The following DZIP3 variants were observed in gnomAD, a reference collection of about 807,000 sequenced individuals.
DZIP3 encodes the protein E3 ubiquitin-protein ligase DZIP3.
Under a neutral mutation model 162.0 loss-of-function variants are expected in DZIP3, and 118 were observed. The ratio of observed to expected loss-of-function variants is 0.73; its 90% CI spans 0.63 to 0.85. The LOEUF (loss-of-function observed/expected upper bound fraction) is 0.85. Among genes scored for constraint, DZIP3 ranks in the 40% least tolerant of loss-of-function variants. The pLI is 0.00. For missense variants in DZIP3, 1,331 were observed against 1,407.0 expected (o/e 0.95, Z 0.86); for synonymous variants, 438 against 458.6 (o/e 0.96, Z 0.57).
At chr3:108,598,178 T>G (rs1405041946) in intron 1 of DZIP3, among the ~76,000 whole-genome samples, 1 of 152,190 alleles carries the variant, frequency 6.6e-6, no homozygotes, top group Non-Finnish European at 1.5e-5. Flanking sequence ...AATTATACAC[T>G]AAGCTTATAT....
intron 21 of DZIP3, among the ~76,000 whole-genome samples, chr3:108,664,005 C>T (rs1038103652): frequency 5.3e-5 from 8 of 152,184 alleles, no homozygotes; most frequent in Non-Finnish European, 8.8e-5. Flanking sequence ...TCCTATTCCT[C>T]ACAGCTGTTT....
At chr3:108,687,855 G>T (rs1944549688) in intron 28 of DZIP3, 121 bp from the exon 29 acceptor site, 1 of 1,305,152 alleles carries the variant, frequency 7.7e-7, no homozygotes, top group African/African-American at 1.5e-5. Context: ...GACCTAAAGA[G>T]TCCTGTCTGT....
At position 108,648,558 on chromosome 3, in the gene DZIP3, A is replaced by G. The variant is rs564941305; in HGVS notation, c.1963-360A>G. Reference sequence around the variant, plus strand: ...AAATAAGTGGTAACAGTTATTATATAGTCACTAAATTATCCTTAGATCTTT... The same window carrying G: ...AAATAAGTGGTAACAGTTATTATATGGTCACTAAATTATCCTTAGATCTTT... On this transcript the variant is annotated intron_variant, in intron 16 of 32. Coordinates refer to ENST00000361582, the MANE Select transcript of DZIP3 (RefSeq NM_014648.4). 257 of 167,848 alleles carry G rather than the reference A, an allele frequency of 1.5e-3. 1 individual carries two copies. Among genetic ancestry groups the G allele is most frequent in the Middle Eastern group, 5.7e-3 (2 of 350 alleles). The allele number at this position is 167,848 out of a possible 1,614,324, so 10.4% of individuals were successfully genotyped here.
chr3:108,651,169 AT>A lies in DZIP3; in HGVS notation c.2033+9del. 2.8e-6 allele frequency: 2 copies of A among 725,258 alleles called. No homozygotes were observed. The highest frequency in any genetic ancestry group is 2.3e-5 in the South Asian group (1 of 43,656). 44.9% of individuals were successfully genotyped at this position (725,258 alleles called of 1,614,324 possible). A position where few individuals can be genotyped will look rare whatever the true frequency, so the allele number is the denominator to read the frequency against. On this transcript the variant is annotated splice_region_variant and intron_variant, in intron 18 of 32. Coordinates refer to ENST00000361582, the MANE Select transcript of DZIP3 (RefSeq NM_014648.4). ...ACTCAAAAGAAGACCAAGTGTAAGT[AT>A]TAGTTTATTTAATTTTTAAATTTTT...
intron 5 of DZIP3, among the ~76,000 whole-genome samples, chr3:108,622,843 T>G: frequency 3.7e-5 from 1 of 27,326 alleles, no homozygotes; most frequent in African/African-American, 1.3e-4. Context: ...AGAGTCTCTC[T>G]CTCTCTCTCT....
At chr3:108,634,999 A>G (rs1942072933) in intron 10 of DZIP3, 27 bp downstream of exon 10, 2 of 1,374,150 alleles carry the variant, frequency 1.5e-6, no homozygotes, top group African/African-American at 2.9e-5. Context: ...TAAAACTACA[A>G]CAGCATTTCT....
intron 5 of DZIP3, among the ~76,000 whole-genome samples, chr3:108,618,012 A>G (rs1474598885): frequency 3.9e-5 from 6 of 152,220 alleles, no homozygotes; most frequent in Non-Finnish European, 8.8e-5. Flanking sequence ...TGCTGTATCT[A>G]AATTACTCTA....
At chr3:108,618,469 G>A (rs1941136082) in intron 5 of DZIP3, among the ~76,000 whole-genome samples, 1 of 152,174 alleles carries the variant, frequency 6.6e-6, no homozygotes, top group Non-Finnish European at 1.5e-5. Flanking sequence ...TTAGGGCACA[G>A]AGGTTAAATA....
chr3:108,658,290 C>G (rs1221576461), intron 19 of DZIP3, among the ~76,000 whole-genome samples: 1 of 152,236 alleles, frequency 6.6e-6, no homozygotes, highest in East Asian at 1.9e-4. Flanking sequence ...AACAAACTGT[C>G]TCTCAGACCA....
At chr3:108,591,403 C>T (rs1039715766) in intron 1 of DZIP3, among the ~76,000 whole-genome samples, 4 of 152,240 alleles carry the variant, frequency 2.6e-5, no homozygotes, top group African/African-American at 7.2e-5. Context: ...TTGGACTTTT[C>T]ATCTGTGATG....
chr3:108,615,386 A>C (rs1379255540), intron 4 of DZIP3, among the ~76,000 whole-genome samples: 1 of 152,210 alleles, frequency 6.6e-6, no homozygotes, highest in African/African-American at 2.4e-5. Flanking sequence ...CTTGGAATGT[A>C]GGTGAAGTTC....
chr3:108,670,923 T>A (rs1347339607), intron 22 of DZIP3, among the ~76,000 whole-genome samples: 1 of 151,950 alleles, frequency 6.6e-6, no homozygotes, highest in Non-Finnish European at 1.5e-5. Context: ...GCCAGTTATT[T>A]ATCTTCTTGG....
intron 19 of DZIP3, among the ~76,000 whole-genome samples, chr3:108,660,689 G>T (rs1160904135): frequency 6.6e-6 from 1 of 152,066 alleles, no homozygotes; most frequent in Non-Finnish European, 1.5e-5. Context: ...ACTACCATCA[G>T]AGTCAACAGG....
chr3:108,662,301 A>G (rs1307305289), intron 21 of DZIP3, 44 bp downstream of exon 21: 2 of 1,548,266 alleles, frequency 1.3e-6, no homozygotes, highest in South Asian at 1.3e-5. Flanking sequence ...GCGCCGTAAT[A>G]AACAGTATCT....
intron 26 of DZIP3, 70 bp from the exon 27 acceptor site, chr3:108,684,146 A>G (rs1944415432): frequency 6.6e-7 from 1 of 1,513,712 alleles, no homozygotes; most frequent in African/African-American, 1.4e-5. Context: ...AATTTAGATG[A>G]TTGCCTAAAT....
At chr3:108,600,314 G>A (rs1398725537) in intron 1 of DZIP3, among the ~76,000 whole-genome samples, 8 of 151,386 alleles carry the variant, frequency 5.3e-5, no homozygotes, top group African/African-American at 1.9e-4. Flanking sequence ...GCATGTTCAA[G>A]GTGGTGGTAT....
At chr3:108,641,047 T>G (rs1942378973) in intron 12 of DZIP3, among the ~76,000 whole-genome samples, 1 of 152,096 alleles carries the variant, frequency 6.6e-6, no homozygotes, top group African/African-American at 2.4e-5. Flanking sequence ...CTGTCTTTAT[T>G]GTTTATTTTC....
chr3:108,641,001 TCTA>T (rs1287677709), intron 12 of DZIP3, among the ~76,000 whole-genome samples: 1 of 152,112 alleles, frequency 6.6e-6, no homozygotes, highest in Non-Finnish European at 1.5e-5. Context: ...TGGTTGGAAA[TCTA>T]CTGTCTTCCT....
At position 108,646,653 on chromosome 3, in the gene DZIP3, A is replaced by C; in HGVS notation, c.1792+4A>C. The C allele has an allele frequency of 1.9e-6, 3 of 1,547,860 alleles. No individual in the cohort carries two copies. Among genetic ancestry groups the C allele is most frequent in the Non-Finnish European group, 2.6e-6 (3 of 1,149,482 alleles). ...CAGTCAATAACAGGCAGTCAGCGTA[A>C]GTATATTTAGAAATAAAATGTGTAA... is the stretch of plus-strand genomic sequence containing the variant. On this transcript the variant is annotated splice_donor_region_variant and intron_variant, in intron 15 of 32. Coordinates refer to ENST00000361582, the MANE Select transcript of DZIP3 (RefSeq NM_014648.4).
Sources: allele counts gnomAD v4.1 joint callset (sites outside exome capture counted in the v4.1 genomes callset), GRCh38; gene constraint gnomAD v4.1.1; transcripts MANE v1.5; gene names NCBI Gene and HGNC (gene_info 2026-07-23, HGNC 2026-07-21).